Variants in CDK15 observed in about 807,000 individuals in gnomAD.
CDK15 encodes cyclin-dependent kinase 15.
CDK15 carries 62 observed loss-of-function variants against 60.3 expected under a neutral mutation model. That is an observed-to-expected ratio of 1.03 (90% CI 0.84 to 1.27). The LOEUF (loss-of-function observed/expected upper bound fraction) is 1.27. CDK15 is among the 50% of genes most tolerant of loss of function. CDK15 has a pLI of 0.00. For missense variants in CDK15, 541 were observed against 527.8 expected, an observed-to-expected ratio of 1.03 and a Z score of -0.25; for synonymous variants, 194 against 195.7, an observed-to-expected ratio of 0.99 and a Z score of 0.07.
chr2:201,830,445 T>TA (rs1412629022), intron 6 of CDK15, among the ~76,000 whole-genome samples: 13 of 152,152 alleles, frequency 8.5e-5, no homozygotes, highest in African/African-American at 1.2e-4. Flanking sequence ...GAAACCATGG[T>TA]AAAAAAACAT....
intron 6 of CDK15, 148 bp downstream of exon 6, chr2:201,823,875 C>G: frequency 1.6e-6 from 1 of 632,360 alleles, no homozygotes; most frequent in Admixed American, 3.1e-5. Context: ...GTTTTGTTTT[C>G]GTTTTTGTTT....
At chr2:201,879,163 T>G (rs1699184883) in intron 11 of CDK15, among the ~76,000 whole-genome samples, 2 of 152,222 alleles carry the variant, frequency 1.3e-5, no homozygotes, top group Admixed American at 6.5e-5. Flanking sequence ...GTCCTTACTG[T>G]GATTTAAGTA....
intron 12 of CDK15, chr2:201,889,354 A>G (rs1181675961): frequency 6.1e-6 from 6 of 984,384 alleles, no homozygotes; most frequent in African/African-American, 1.8e-5. Context: ...TTTGGTGACA[A>G]TGTGGCTGCT....
Position 201,880,102 on chromosome 2 carries a change from C to T in CDK15, c.1133C>T (p.Ala378Val). The change falls in exon 12 of 14, where the codon GCC (alanine) becomes GTC (valine). Residue 378 changes from alanine to valine, a missense_variant. Coordinates refer to ENST00000652192, the MANE Select transcript of CDK15 (RefSeq NM_001366386.2). The stretch of plus-strand genomic sequence containing the variant: ...GGCTTTCCCAGAGACCGCGTCTCCG[C>T]CCAGGAAGCACTTGTTCATGATTAT... ...LKGFPRDRVS[A>V]QEALVHDYFS... 6.8e-6 allele frequency: 11 copies of T among 1,614,110 alleles called. No homozygotes were observed. The highest frequency in any genetic ancestry group is 9.3e-6 in the Non-Finnish European group (11 of 1,180,022).
intron 3 of CDK15, among the ~76,000 whole-genome samples, chr2:201,811,485 G>A: frequency 6.6e-6 from 1 of 152,172 alleles, no homozygotes; most frequent in East Asian, 1.9e-4. Flanking sequence ...ATATCGGATT[G>A]TACAAGAATG....
intron 9 of CDK15, among the ~76,000 whole-genome samples, chr2:201,849,881 G>A (rs1371778451): frequency 3.3e-5 from 5 of 152,052 alleles, no homozygotes; most frequent in Admixed American, 1.3e-4. Flanking sequence ...CTGGAGTGCA[G>A]TGGTGCCATC....
At chr2:201,846,724 T>A (rs1455498627) in intron 8 of CDK15, among the ~76,000 whole-genome samples, 2 of 152,134 alleles carry the variant, frequency 1.3e-5, no homozygotes, top group African/African-American at 4.8e-5. Context: ...TCTGTTGTTT[T>A]ATGGATTATT....
chr2:201,846,760 C>G (rs542602279), intron 8 of CDK15, among the ~76,000 whole-genome samples: 3 of 152,108 alleles, frequency 2.0e-5, no homozygotes, highest in East Asian at 3.9e-4. Context: ...TCATCAAATT[C>G]TTAATATAGA....
chr2:201,821,517 T>C (rs1488110284), intron 4 of CDK15, among the ~76,000 whole-genome samples: 1 of 152,156 alleles, frequency 6.6e-6, no homozygotes, highest in Non-Finnish European at 1.5e-5. Context: ...TTTAATCTTA[T>C]GGAATTCTAC....
intron 3 of CDK15, among the ~76,000 whole-genome samples, chr2:201,810,414 G>A (rs889415030): frequency 9.9e-5 from 15 of 151,298 alleles, no homozygotes; most frequent in African/African-American, 3.6e-4. Context: ...CAACCCACAT[G>A]ATAGGGCTAT....
rs995384867 is a variant in CDK15 at position 201,849,973 on chromosome 2, C to T, written c.945+2499C>T. Among the ~76,000 whole-genome samples, 95 of 152,208 alleles carry T rather than the reference C, an allele frequency of 6.2e-4. 1 individual carries two copies. The highest frequency in any genetic ancestry group is 3.4e-3 in the Middle Eastern group (1 of 294). The stretch of plus-strand genomic sequence containing the variant: ...CTGACTAGCTGGAATTACAGGTGCC[C>T]GCCACCACACCTGGCTAACTTTTGT... On this transcript the variant is annotated intron_variant, in intron 9 of 13. Transcript: ENST00000652192.
chr2:201,831,649 GA>G (rs1216762452), intron 6 of CDK15, among the ~76,000 whole-genome samples: 1 of 152,192 alleles, frequency 6.6e-6, no homozygotes, highest in African/African-American at 2.4e-5. Context: ...ATCTGGCAGA[GA>G]GGAAAGGGGT....
At chr2:201,857,115 A>AGG in intron 10 of CDK15, among the ~76,000 whole-genome samples, 1 of 78,924 alleles carries the variant, frequency 1.3e-5, no homozygotes, top group South Asian at 3.4e-4. Context: ...AGTCCCAGCT[A>AGG]CTCGGGAGGC....
In CDK15 at chr2:201,872,471, G is replaced by A. The variant is rs552212214; in HGVS notation, c.1058+145G>A. 114 of 780,386 alleles carry A rather than the reference G, an allele frequency of 1.5e-4. 1 individual carries two copies. The highest frequency in any genetic ancestry group is 1.4e-3 in the South Asian group (87 of 63,582). 48.3% of individuals were successfully genotyped at this position (780,386 alleles called of 1,614,324 possible). On this transcript the variant is annotated intron_variant, in intron 11 of 13. Transcript: ENST00000652192. Reference sequence around the variant, plus strand: ...GCTGTAGGAAGATGCCTCTGGAAGCGCCAGACCCCTGAGAGTCTGTTAATT... The same window carrying A: ...GCTGTAGGAAGATGCCTCTGGAAGCACCAGACCCCTGAGAGTCTGTTAATT...
chr2:201,816,733 G>A (rs192349562), intron 4 of CDK15, among the ~76,000 whole-genome samples: 244 of 152,012 alleles, frequency 1.6e-3, no homozygotes, highest in Middle Eastern at 3.4e-3. Flanking sequence ...TCCAGAGATG[G>A]GGCTTGAACA....
At chr2:201,829,694 A>G (rs183704971) in intron 6 of CDK15, among the ~76,000 whole-genome samples, 1 of 152,338 alleles carries the variant, frequency 6.6e-6, no homozygotes, top group East Asian at 1.9e-4. Flanking sequence ...AGTGGGTAAG[A>G]TAGCTAAGGG....
At chr2:201,888,527 GT>G in intron 12 of CDK15, 1 of 1,514,622 alleles carries the variant, frequency 6.6e-7, no homozygotes, top group South Asian at 1.3e-5. Flanking sequence ...AGAGTGGAAG[GT>G]TTTGCATTTG....
Position 201,876,575 on chromosome 2 carries a change from G to A in CDK15, c.1059-3453G>A, listed in dbSNP as rs142911995. 3.8e-4 allele frequency: 490 copies of A among 1,288,122 alleles called. 4 individuals are homozygous for A. In the African/African-American group the frequency reaches 6.6e-3, roughly 17 times the overall value. 79.8% of individuals were successfully genotyped at this position (1,288,122 alleles called of 1,614,324 possible). A position where few individuals can be genotyped will look rare whatever the true frequency, so the allele number is the denominator to read the frequency against. ...TGCCCTGGTGACCACCTCTACCGGCGAAGGAGAAGGAGAAGCAAAGTGCAG... is the reference window on the plus strand; with the variant it reads ...TGCCCTGGTGACCACCTCTACCGGCAAAGGAGAAGGAGAAGCAAAGTGCAG... On this transcript the variant is annotated intron_variant, in intron 11 of 13. Coordinates refer to ENST00000652192, the MANE Select transcript of CDK15 (RefSeq NM_001366386.2).
rs1699549298 is a variant in CDK15, at chr2:201,888,847, C to A, written c.1199-1938C>A. The stretch of plus-strand genomic sequence containing the variant: ...AGGATACTTCTCCCCGAGAGAAGTT[C>A]CCCAAATGGTTTGGATTTGAGTTGA... On this transcript the variant is annotated intron_variant, in intron 12 of 13. Transcript: ENST00000652192. 4.7e-6 allele frequency: 5 copies of A among 1,068,214 alleles called. No individual in the cohort carries two copies. The South Asian group carries it at 1.8e-4, about 39-fold the overall frequency. 66.2% of individuals were successfully genotyped at this position (1,068,214 alleles called of 1,614,324 possible). A position where few individuals can be genotyped will look rare whatever the true frequency, so the allele number is the denominator to read the frequency against.
Sources: allele counts gnomAD v4.1 joint callset (sites outside exome capture counted in the v4.1 genomes callset), GRCh38; gene constraint gnomAD v4.1.1; transcripts MANE v1.5; gene names NCBI Gene and HGNC (gene_info 2026-07-23, HGNC 2026-07-21).